The following VAT1L variants were observed in gnomAD, a reference collection of about 807,000 sequenced individuals.
The protein encoded by VAT1L is putative NADPH-dependent quinone oxidoreductase VAT1L.
VAT1L carries 34 observed loss-of-function variants against 44.1 expected under a neutral mutation model. The ratio of observed to expected loss-of-function variants is 0.77; its 90% CI spans 0.59 to 1.03. The LOEUF (loss-of-function observed/expected upper bound fraction) is 1.03. VAT1L is among the 50% of genes least tolerant of loss of function. The pLI, the probability that VAT1L is intolerant of heterozygous loss-of-function variation, is 0.00. For missense variants in VAT1L, 615 were observed against 538.8 expected (o/e 1.14, Z -1.40); for synonymous variants, 253 against 202.2 (o/e 1.25, Z -2.13).
At chr16:77,927,296 C>G (rs2017680354) in intron 7 of VAT1L, among the ~76,000 whole-genome samples, 1 of 150,110 alleles carries the variant, frequency 6.7e-6, no homozygotes, top group Non-Finnish European at 1.5e-5. Flanking sequence ...CGAGATCGCG[C>G]CACTACACTC....
At chr16:77,969,288 C>T (rs922137132) in intron 7 of VAT1L, among the ~76,000 whole-genome samples, 2 of 152,114 alleles carry the variant, frequency 1.3e-5, no homozygotes, top group African/African-American at 2.4e-5. Flanking sequence ...GGGGATGCAG[C>T]CCAGCAAGTC....
At chr16:77,897,258 G>A (rs568412216) in intron 7 of VAT1L, among the ~76,000 whole-genome samples, 8 of 152,218 alleles carry the variant, frequency 5.3e-5, no homozygotes, top group South Asian at 4.2e-4. Flanking sequence ...TCCACACTTC[G>A]GTCTGAGCAT....
chr16:77,870,209 G>A (rs993415559), intron 4 of VAT1L, among the ~76,000 whole-genome samples: 1 of 152,204 alleles, frequency 6.6e-6, no homozygotes, highest in Non-Finnish European at 1.5e-5. Context: ...AGTAGGCATT[G>A]TGTCCAGTCC....
intron 7 of VAT1L, among the ~76,000 whole-genome samples, chr16:77,949,301 G>A (rs117517061): frequency 5.3e-5 from 8 of 152,282 alleles, no homozygotes; most frequent in South Asian, 4.1e-4. Context: ...GGCCTGGAGC[G>A]AGTAAGTCAA....
At chr16:77,861,107 C>G (rs190053278) in intron 3 of VAT1L, among the ~76,000 whole-genome samples, 206 of 152,268 alleles carry the variant, frequency 1.4e-3, no homozygotes, top group African/African-American at 4.7e-3. Context: ...CTCAGTGTTG[C>G]CTTTAATTGC....
At chr16:77,793,879 T>G (rs2015880822) in intron 1 of VAT1L, among the ~76,000 whole-genome samples, 2 of 152,204 alleles carry the variant, frequency 1.3e-5, no homozygotes, top group South Asian at 2.1e-4. Context: ...AAACATGTAT[T>G]GATCAGTGGT....
At chr16:77,941,531 C>A (rs980961880) in intron 7 of VAT1L, among the ~76,000 whole-genome samples, 2 of 152,126 alleles carry the variant, frequency 1.3e-5, no homozygotes, top group African/African-American at 4.8e-5. Context: ...TGGATATATA[C>A]ACAGTAATGG....
intron 7 of VAT1L, among the ~76,000 whole-genome samples, chr16:77,912,915 TTTC>T (rs936557258): frequency 4.6e-5 from 7 of 152,074 alleles, no homozygotes; most frequent in East Asian, 3.9e-4. Context: ...AGTTATGGTT[TTTC>T]TTCTTCTTCT....
chr16:77,853,772 A>G (rs1326056962), intron 3 of VAT1L, among the ~76,000 whole-genome samples: 1 of 152,108 alleles, frequency 6.6e-6, no homozygotes, highest in Non-Finnish European at 1.5e-5. Context: ...GATCCATACA[A>G]TGAATAAAAG....
At chr16:77,835,709 C>A (rs997430904) in intron 3 of VAT1L, among the ~76,000 whole-genome samples, 2 of 152,082 alleles carry the variant, frequency 1.3e-5, no homozygotes, top group East Asian at 3.9e-4. Context: ...CCCATCTCTA[C>A]TAAAAATACA....
chr16:77,841,861 G>T (rs150719649), intron 3 of VAT1L, among the ~76,000 whole-genome samples: 1 of 152,126 alleles, frequency 6.6e-6, no homozygotes, highest in Non-Finnish European at 1.5e-5. Context: ...TATCCATCAG[G>T]AGAAGCTACC....
At chr16:77,951,908 A>G (rs1476188879) in intron 7 of VAT1L, among the ~76,000 whole-genome samples, 1 of 152,092 alleles carries the variant, frequency 6.6e-6, no homozygotes, top group Non-Finnish European at 1.5e-5. Flanking sequence ...AACAGGGCAG[A>G]GAGATTGAAC....
intron 3 of VAT1L, among the ~76,000 whole-genome samples, chr16:77,828,489 C>A (rs2016547409): frequency 6.6e-6 from 1 of 151,974 alleles, no homozygotes; most frequent in African/African-American, 2.4e-5. Flanking sequence ...CGTGGAGAAA[C>A]CCCCATCTCT....
At chr16:77,926,915 T>A (rs886776202) in intron 7 of VAT1L, among the ~76,000 whole-genome samples, 1 of 152,254 alleles carries the variant, frequency 6.6e-6, no homozygotes, top group South Asian at 2.1e-4. Context: ...CCCCTGAAGT[T>A]AGAAATCCAC....
intron 8 of VAT1L, among the ~76,000 whole-genome samples, chr16:77,976,368 A>G (rs1311102476): frequency 2.0e-5 from 3 of 152,224 alleles, no homozygotes; most frequent in Admixed American, 6.5e-5. Flanking sequence ...TGAGCCCTAA[A>G]GGAAACATAG....
intron 3 of VAT1L, among the ~76,000 whole-genome samples, chr16:77,858,172 A>ACGCTTC (rs1452781454): frequency 6.6e-6 from 1 of 152,180 alleles, no homozygotes; most frequent in African/African-American, 2.4e-5. Context: ...CGTGGTGGTC[A>ACGCTTC]CGCTTCGGGA....
intron 7 of VAT1L, among the ~76,000 whole-genome samples, chr16:77,888,493 A>G (rs115659443): frequency 0.012 from 1,892 of 152,374 alleles, 43 homozygotes; most frequent in African/African-American, 0.042. Flanking sequence ...GAATAGATGA[A>G]TGAATGACTG....
chr16:77,947,741 T>C (rs925986700), intron 7 of VAT1L, among the ~76,000 whole-genome samples: 5 of 152,208 alleles, frequency 3.3e-5, no homozygotes, highest in Admixed American at 6.5e-5. Flanking sequence ...GCAGTTTCTC[T>C]TCCTGAAAAA....
chr16:77,855,267 G>A (rs183429687), intron 3 of VAT1L, among the ~76,000 whole-genome samples: 107 of 151,616 alleles, frequency 7.1e-4, no homozygotes, highest in African/African-American at 2.6e-3. Flanking sequence ...TCGAACCCGG[G>A]AAGCAGAGGT....
Sources: gnomAD v4.1 joint callset for allele counts (sites outside exome capture counted in the v4.1 genomes callset) on GRCh38, gnomAD v4.1.1 for gene constraint, MANE v1.5 for transcripts, NCBI Gene and HGNC (gene_info 2026-07-23, HGNC 2026-07-21) for gene names.